Variants in TEX11 observed in about 807,000 individuals in gnomAD.
TEX11 encodes testis expressed 11.
A neutral mutation model predicts 84.4 loss-of-function variants in TEX11; 7 were observed. That is an observed-to-expected ratio of 0.08 (90% CI 0.05 to 0.16). The LOEUF (loss-of-function observed/expected upper bound fraction) is 0.16. TEX11 is among the 10% of genes least tolerant of loss of function. The probability of loss-of-function intolerance (pLI) is 1.00; values close to 1 mark genes in which losing one functional copy is unlikely to be tolerated. For missense variants in TEX11, 551 were observed against 660.5 expected, an observed-to-expected ratio of 0.83 and a Z score of 1.82; for synonymous variants, 264 against 222.8, an observed-to-expected ratio of 1.18 and a Z score of -1.64.
intron 8 of TEX11, among the ~76,000 whole-genome samples, chrX:70,825,096 T>C (rs2091337900): frequency 9.0e-6 from 1 of 110,697 alleles, no homozygotes; most frequent in African/African-American, 3.3e-5. Flanking sequence ...GGCAGATCAC[T>C]TGAGGTCAAT....
intron 3 of TEX11, among the ~76,000 whole-genome samples, chrX:70,874,949 C>T (rs890339545): frequency 6.4e-5 from 7 of 108,529 alleles, no homozygotes; most frequent in South Asian, 4.1e-4. Context: ...CCGAGGCGGT[C>T]GGATTGCCTG....
intron 7 of TEX11, among the ~76,000 whole-genome samples, chrX:70,850,614 G>A (rs966682372): frequency 9.1e-6 from 1 of 109,463 alleles, no homozygotes; most frequent in African/African-American, 3.3e-5. Flanking sequence ...AATTAGCCAG[G>A]CACAGTGGCA....
intron 7 of TEX11, among the ~76,000 whole-genome samples, chrX:70,835,543 G>T (rs912547723): frequency 8.9e-6 from 1 of 112,129 alleles, no homozygotes; most frequent in Non-Finnish European, 1.9e-5. Flanking sequence ...AACTTGGGGA[G>T]ACTGTGATTC....
intron 17 of TEX11, among the ~76,000 whole-genome samples, chrX:70,645,126 TAAG>T (rs1644002019): frequency 1.8e-5 from 2 of 109,552 alleles, no homozygotes; most frequent in Non-Finnish European, 3.8e-5. Flanking sequence ...AAATAATGAA[TAAG>T]GAGATTAAAT....
At chrX:70,650,780 A>G (rs1443466568) in intron 17 of TEX11, among the ~76,000 whole-genome samples, 1 of 112,206 alleles carries the variant, frequency 8.9e-6, no homozygotes, top group Non-Finnish European at 1.9e-5. Context: ...ACAAATGGCA[A>G]CCAGTCTGGA....
chrX:70,649,507 T>C (rs1270999998), intron 17 of TEX11, among the ~76,000 whole-genome samples: 3 of 112,451 alleles, frequency 2.7e-5, no homozygotes, highest in Non-Finnish European at 5.6e-5. Flanking sequence ...TGAAATTGTA[T>C]AGTCGCTTTA....
chrX:70,532,462 G>A (rs5980961), intron 28 of TEX11, among the ~76,000 whole-genome samples: 6,370 of 112,411 alleles, frequency 0.057, 452 homozygotes, highest in African/African-American at 0.2. Flanking sequence ...ATGGCCTGGC[G>A]CAGTGGCTCA....
intron 9 of TEX11, among the ~76,000 whole-genome samples, chrX:70,779,836 C>T (rs1254816406): frequency 9.0e-6 from 1 of 111,563 alleles, no homozygotes; most frequent in African/African-American, 3.3e-5. Flanking sequence ...AAGATTGAAT[C>T]AGAAAATCTG....
intron 11 of TEX11, among the ~76,000 whole-genome samples, chrX:70,729,907 C>G (rs775550545): frequency 8.9e-5 from 10 of 112,013 alleles, no homozygotes; most frequent in Non-Finnish European, 1.7e-4. Flanking sequence ...GGCAGCCAGA[C>G]AGAAAGGTCG....
rs2088250511 is a variant in TEX11 at position 70,553,733 on chromosome X, C to G, written c.2291-319G>C. On this transcript the variant is annotated intron_variant, in intron 26 of 29. Coordinates refer to ENST00000374333, the MANE Select transcript of TEX11 (RefSeq NM_031276.3). ...CTTATGAATGACAGTCAAGGAAGGG[C>G]ACACTAAGAAGGAAACAGAAAGCAG... Among the ~76,000 whole-genome samples, 3 of 111,139 alleles carry G rather than the reference C, an allele frequency of 2.7e-5. No individual in the cohort carries two copies. The Admixed American group carries it at 2.9e-4, about 11-fold the overall frequency.
intron 13 of TEX11, among the ~76,000 whole-genome samples, chrX:70,692,335 TTTA>T (rs1001354836): frequency 9.0e-6 from 1 of 111,500 alleles, no homozygotes; most frequent in African/African-American, 3.3e-5. Flanking sequence ...TGCACAATAC[TTTA>T]TTGTTAGCTG....
At chrX:70,759,349 C>A (rs1197379026) in intron 9 of TEX11, among the ~76,000 whole-genome samples, 2 of 111,713 alleles carry the variant, frequency 1.8e-5, no homozygotes, top group African/African-American at 6.5e-5. Flanking sequence ...CCCTGCTGAA[C>A]ATCGATGCGA....
At chrX:70,621,245 G>A (rs958624212) in intron 20 of TEX11, among the ~76,000 whole-genome samples, 4 of 107,300 alleles carry the variant, frequency 3.7e-5, no homozygotes, top group Non-Finnish European at 5.8e-5. Flanking sequence ...TATTAGGGTC[G>A]GGCACGGTGG....
At chrX:70,723,563 A>G (rs1288311054) in intron 12 of TEX11, among the ~76,000 whole-genome samples, 5 of 111,853 alleles carry the variant, frequency 4.5e-5, no homozygotes, top group East Asian at 2.8e-4. Context: ...TTTAGATTCT[A>G]TTTATTTGAC....
intron 17 of TEX11, among the ~76,000 whole-genome samples, chrX:70,637,936 A>C (rs763553600): frequency 9.0e-6 from 1 of 111,422 alleles, no homozygotes; most frequent in Non-Finnish European, 1.9e-5. Context: ...GGAAATAAAA[A>C]AAAAATAACA....
chrX:70,541,731 C>A (rs1325676938), intron 28 of TEX11, among the ~76,000 whole-genome samples: 1 of 112,103 alleles, frequency 8.9e-6, no homozygotes, highest in Non-Finnish European at 1.9e-5. Context: ...GCACTCCAGC[C>A]TGGGTGACAG....
chrX:70,717,637 C>T (rs2090518501), intron 13 of TEX11, among the ~76,000 whole-genome samples: 1 of 111,702 alleles, frequency 9.0e-6, no homozygotes, highest in Non-Finnish European at 1.9e-5. Flanking sequence ...CACTTTCTAA[C>T]AGTTAATGTT....
At chrX:70,609,976 T>C (rs2089239797) in intron 21 of TEX11, among the ~76,000 whole-genome samples, 1 of 109,626 alleles carries the variant, frequency 9.1e-6, no homozygotes, top group African/African-American at 3.3e-5. Flanking sequence ...AGCTTCAAAA[T>C]AAGAGAATAT....
chrX:70,592,266 G>C, intron 24 of TEX11, among the ~76,000 whole-genome samples: 1 of 111,060 alleles, frequency 9.0e-6, no homozygotes, highest in Admixed American at 9.6e-5. Flanking sequence ...AGAACAGTAA[G>C]AGCCTGTGAC....
Sources: gnomAD v4.1 joint callset for allele counts (sites outside exome capture counted in the v4.1 genomes callset) on GRCh38, gnomAD v4.1.1 for gene constraint, MANE v1.5 for transcripts, NCBI Gene and HGNC (gene_info 2026-07-23, HGNC 2026-07-21) for gene names.